RNF212B: variants seen among roughly 807,000 people sequenced by gnomAD.
RNF212B encodes the protein ring finger protein 212B, also known as E3 ubiquitin-protein ligase RNF212B.
A neutral mutation model predicts 55.5 loss-of-function variants in RNF212B; 52 were observed. The ratio of observed to expected loss-of-function variants is 0.94; its 90% CI spans 0.75 to 1.18. The LOEUF (loss-of-function observed/expected upper bound fraction) is 1.18. RNF212B is among the 50% of genes most tolerant of loss of function. The pLI is 0.00. For synonymous variants in RNF212B, 99 were observed against 121.4 expected, an observed-to-expected ratio of 0.82 and a Z score of 1.21; for missense variants, 289 against 350.4, an observed-to-expected ratio of 0.82 and a Z score of 1.40.
At chr14:23,206,339 C>T (rs1262283333) in intron 2 of RNF212B, among the ~76,000 whole-genome samples, 3 of 152,228 alleles carry the variant, frequency 2.0e-5, no homozygotes, top group Admixed American at 6.5e-5. Context: ...TCCCAAAGTG[C>T]TGGGATTACA....
chr14:23,261,147 T>C (rs549940968), intron 7 of RNF212B, among the ~76,000 whole-genome samples: 12 of 152,250 alleles, frequency 7.9e-5, no homozygotes, highest in African/African-American at 2.4e-4. Flanking sequence ...ACTTAGAACT[T>C]ATGAAAAGGG....
intron 2 of RNF212B, among the ~76,000 whole-genome samples, chr14:23,197,430 G>C (rs1309299551): frequency 6.6e-6 from 1 of 152,174 alleles, no homozygotes; most frequent in African/African-American, 2.4e-5. Flanking sequence ...GGGAGGTCGA[G>C]GCATGAGAAT....
chr14:23,218,506 G>A (rs1231395037), intron 2 of RNF212B, among the ~76,000 whole-genome samples: 5 of 151,848 alleles, frequency 3.3e-5, no homozygotes, highest in Admixed American at 3.3e-4. Context: ...AAAATACAGA[G>A]TCAGAGAAGA....
intron 1 of RNF212B, among the ~76,000 whole-genome samples, chr14:23,189,283 T>C (rs1170641024): frequency 6.6e-6 from 1 of 152,226 alleles, no homozygotes; most frequent in African/African-American, 2.4e-5. Context: ...TCTGTCAATC[T>C]ACCTGCAGCT....
chr14:23,247,724 C>T lies in RNF212B; in HGVS notation c.228+3328C>T, dbSNP rs1034844731. Among the ~76,000 whole-genome samples the T allele has an allele frequency of 2.6e-5, 4 of 152,118 alleles. No individual in the cohort carries two copies. In the South Asian group the frequency reaches 8.3e-4, roughly 31 times the overall value. On this transcript the variant is annotated intron_variant, in intron 4 of 14. Coordinates refer to ENST00000430154, the MANE Select transcript of RNF212B (RefSeq NM_001282322.3). Reference sequence around the variant, plus strand: ...TTTGGGGCTATTATAAGTAATATTGCTATGGAACATTTATGTACAAGTTTT... The same window carrying T: ...TTTGGGGCTATTATAAGTAATATTGTTATGGAACATTTATGTACAAGTTTT...
intron 2 of RNF212B, among the ~76,000 whole-genome samples, chr14:23,212,542 CTTTA>C (rs1880626077): frequency 6.6e-6 from 1 of 151,832 alleles, no homozygotes; most frequent in Admixed American, 6.6e-5. Context: ...GAAATTTAAA[CTTTA>C]TTTTTTATTT....
intron 2 of RNF212B, among the ~76,000 whole-genome samples, chr14:23,229,659 T>G (rs1170353597): frequency 6.6e-6 from 1 of 152,202 alleles, no homozygotes; most frequent in East Asian, 1.9e-4. Context: ...TCTTTTCATG[T>G]GTCTGCTGGA....
chr14:23,222,703 T>C (rs1457983080), intron 2 of RNF212B, among the ~76,000 whole-genome samples: 1 of 152,114 alleles, frequency 6.6e-6, no homozygotes, highest in East Asian at 1.9e-4. Context: ...GGCCAATATC[T>C]CTGATGAATA....
chr14:23,267,780 T>C (rs1885809689), intron 11 of RNF212B, among the ~76,000 whole-genome samples: 2 of 152,224 alleles, frequency 1.3e-5, no homozygotes, highest in Non-Finnish European at 2.9e-5. Flanking sequence ...ATAGCCACTC[T>C]TTTGTTCCTT....
At chr14:23,194,715 A>G (rs1039865429) in intron 2 of RNF212B, among the ~76,000 whole-genome samples, 5 of 136,442 alleles carry the variant, frequency 3.7e-5, no homozygotes, top group Non-Finnish European at 7.6e-5. Flanking sequence ...AGCTTGGGCT[A>G]CAGAGTGAGA....
Position 23,273,125 on chromosome 14 carries a change from A to C in RNF212B, c.*234A>C. On this transcript the variant is annotated 3_prime_UTR_variant, in exon 15 of 15. Transcript: ENST00000430154. Reference sequence around the variant, plus strand: ...GATGTTTATATCTCTTCCAGAAGACACTGGTAGCTCCCCTCATTTCCTACA... The same window carrying C: ...GATGTTTATATCTCTTCCAGAAGACCCTGGTAGCTCCCCTCATTTCCTACA... 1 of 365,900 alleles carries C rather than the reference A, an allele frequency of 2.7e-6. No individual in the cohort carries two copies. The highest frequency in any genetic ancestry group is 4.9e-6 in the Non-Finnish European group (1 of 203,668). 22.7% of individuals were successfully genotyped at this position (365,900 alleles called of 1,614,324 possible).
intron 2 of RNF212B, among the ~76,000 whole-genome samples, chr14:23,224,111 T>C (rs751698384): frequency 6.6e-6 from 1 of 152,108 alleles, no homozygotes; most frequent in Admixed American, 6.6e-5. Flanking sequence ...AAAGGAAAGA[T>C]ATTTCATGTT....
chr14:23,195,977 G>A (rs978996818), intron 2 of RNF212B, among the ~76,000 whole-genome samples: 2 of 151,876 alleles, frequency 1.3e-5, no homozygotes, highest in Non-Finnish European at 2.9e-5. Flanking sequence ...ACTGTGCCAC[G>A]GGAGAAAAAA....
intron 2 of RNF212B, among the ~76,000 whole-genome samples, chr14:23,209,546 G>A (rs1005468711): frequency 3.3e-5 from 5 of 152,050 alleles, no homozygotes; most frequent in East Asian, 3.9e-4. Flanking sequence ...ACAAATGATT[G>A]ACTAAAAGAC....
intron 3 of RNF212B, 73 bp downstream of exon 3, chr14:23,243,381 G>C (rs1487301856): frequency 7.9e-7 from 1 of 1,261,334 alleles, no homozygotes; most frequent in Non-Finnish European, 1.1e-6. Flanking sequence ...ACAAAGTACA[G>C]ATGATGAATT....
intron 2 of RNF212B, among the ~76,000 whole-genome samples, chr14:23,214,645 G>A (rs1880894460): frequency 2.7e-5 from 1 of 37,654 alleles, no homozygotes; most frequent in Non-Finnish European, 4.8e-5. Flanking sequence ...ATAAAGCATA[G>A]GAAAGTCAGT....
intron 2 of RNF212B, among the ~76,000 whole-genome samples, chr14:23,221,930 C>T (rs1881609844): frequency 6.6e-6 from 1 of 152,046 alleles, no homozygotes; most frequent in African/African-American, 2.4e-5. Context: ...TGAAAAGTGC[C>T]TTGAAACAAG....
intron 2 of RNF212B, among the ~76,000 whole-genome samples, chr14:23,211,533 C>T (rs987796363): frequency 1.3e-5 from 2 of 152,020 alleles, no homozygotes; most frequent in African/African-American, 4.8e-5. Flanking sequence ...ATTCAGATAC[C>T]AAAATCATAC....
At chr14:23,247,419 C>T (rs1398006817) in intron 4 of RNF212B, among the ~76,000 whole-genome samples, 3 of 150,998 alleles carry the variant, frequency 2.0e-5, no homozygotes, top group African/African-American at 7.3e-5. Context: ...ACCCTTCCCA[C>T]CCTCCCCATC....
Sources: allele counts gnomAD v4.1 joint callset (sites outside exome capture counted in the v4.1 genomes callset), GRCh38; gene constraint gnomAD v4.1.1; transcripts MANE v1.5; gene names NCBI Gene and HGNC (gene_info 2026-07-23, HGNC 2026-07-21).